The following SYT16 variants were observed in gnomAD, a reference collection of about 807,000 sequenced individuals.
SYT16 encodes the protein synaptotagmin 16, also known as synaptotagmin-16.
SYT16 carries 42 observed loss-of-function variants against 61.4 expected under a neutral mutation model. The ratio of observed to expected loss-of-function variants is 0.68; its 90% CI spans 0.53 to 0.89. The LOEUF is 0.89. Among genes scored for constraint, SYT16 ranks in the 40% least tolerant of loss-of-function variants. The probability of loss-of-function intolerance (pLI) is 0.00; values close to 1 mark genes in which losing one functional copy is unlikely to be tolerated. For missense variants in SYT16, 804 were observed against 807.3 expected (o/e 1.00, Z 0.05); for synonymous variants, 314 against 302.3 (o/e 1.04, Z -0.40).
At chr14:61,816,896 A>G (rs1364103011) in intron 1 of SYT16, among the ~76,000 whole-genome samples, 9 of 151,828 alleles carry the variant, frequency 5.9e-5, no homozygotes, top group Non-Finnish European at 1.2e-4. Flanking sequence ...TTGTAGTCCC[A>G]TCTACTCGGG....
At chr14:61,901,762 A>AATAATTATT (rs1010775490) in intron 1 of SYT16, among the ~76,000 whole-genome samples, 36 of 138,832 alleles carry the variant, frequency 2.6e-4, no homozygotes, top group African/African-American at 1.0e-3. Flanking sequence ...TAATAATAAT[A>AATAATTATT]ATTATTATTA....
chr14:62,055,416 C>T (rs1046820859), intron 3 of SYT16, among the ~76,000 whole-genome samples: 1 of 152,130 alleles, frequency 6.6e-6, no homozygotes, highest in African/African-American at 2.4e-5. Context: ...CAGAAAACAT[C>T]GTTACTTGAG....
chr14:62,004,368 G>A (rs1490787879), intron 3 of SYT16, among the ~76,000 whole-genome samples: 2 of 152,106 alleles, frequency 1.3e-5, no homozygotes, highest in Non-Finnish European at 2.9e-5. Context: ...CTGCCTGCAT[G>A]ATCCAATCAC....
At chr14:61,899,892 T>G (rs1484829803) in intron 1 of SYT16, among the ~76,000 whole-genome samples, 1 of 152,150 alleles carries the variant, frequency 6.6e-6, no homozygotes, top group Non-Finnish European at 1.5e-5. Flanking sequence ...GGGCACTCAC[T>G]TCCCAAAAAG....
In SYT16 at chr14:61,826,785, T is replaced by G. The variant is rs1288774851; in HGVS notation, c.-325+13975T>G. On this transcript the variant is annotated intron_variant, in intron 1 of 7. Coordinates refer to ENST00000683842, the MANE Select transcript of SYT16 (RefSeq NM_001367656.1). ...GTGGCTTAAACAACACACACGTATTTTCCTACAGTTCTAGAGGTTGTAAGT... is the reference window on the plus strand; with the variant it reads ...GTGGCTTAAACAACACACACGTATTGTCCTACAGTTCTAGAGGTTGTAAGT... Among the ~76,000 whole-genome samples the G allele has an allele frequency of 2.0e-5, 3 of 152,004 alleles. 1 individual carries two copies. Among genetic ancestry groups the G allele is most frequent in the African/African-American group, 7.3e-5 (3 of 41,268 alleles).
At chr14:61,973,624 A>G (rs1307335132) in intron 2 of SYT16, among the ~76,000 whole-genome samples, 1 of 152,212 alleles carries the variant, frequency 6.6e-6, no homozygotes, top group Non-Finnish European at 1.5e-5. Flanking sequence ...GGCGGGAGAG[A>G]GAAAGAATAT....
At position 62,108,031 on chromosome 14, in the gene SYT16, G is replaced by A. The variant is rs2057543129; in HGVS notation, c.*7324G>A. The A allele has an allele frequency of 6.6e-6, 1 of 152,110 alleles. No homozygotes were observed. Among genetic ancestry groups the A allele is most frequent in the South Asian group, 2.1e-4 (1 of 4,824 alleles). The allele number at this position is 152,110 out of a possible 1,614,324, so 9.4% of individuals were successfully genotyped here. A position where few individuals can be genotyped will look rare whatever the true frequency, so the allele number is the denominator to read the frequency against. ...GGTAACAGTAGCCGCCAGAGAAAGA[G>A]GTGACAATCTAAACAAAGAGCCCTG... is the stretch of plus-strand genomic sequence containing the variant. On this transcript the variant is annotated 3_prime_UTR_variant, in exon 8 of 8. Coordinates refer to ENST00000683842, the MANE Select transcript of SYT16 (RefSeq NM_001367656.1).
chr14:61,870,583 C>G (rs2047301006), intron 1 of SYT16, among the ~76,000 whole-genome samples: 1 of 152,040 alleles, frequency 6.6e-6, no homozygotes, highest in Non-Finnish European at 1.5e-5. Context: ...TTCTCTGAAA[C>G]TCCAGTTATA....
chr14:61,940,442 A>C (rs1432701813), intron 1 of SYT16, among the ~76,000 whole-genome samples: 3 of 152,168 alleles, frequency 2.0e-5, no homozygotes, highest in Non-Finnish European at 4.4e-5. Context: ...ACCTATGATA[A>C]GGCAGAATAG....
chr14:61,835,340 C>A (rs1439477029), intron 1 of SYT16, among the ~76,000 whole-genome samples: 1 of 143,692 alleles, frequency 7.0e-6, no homozygotes. Flanking sequence ...CTCACTGCAA[C>A]CTCCTCCTTC....
At chr14:62,007,035 G>A (rs1413185076) in intron 3 of SYT16, among the ~76,000 whole-genome samples, 1 of 152,102 alleles carries the variant, frequency 6.6e-6, no homozygotes, top group Non-Finnish European at 1.5e-5. Context: ...AATGTAACAT[G>A]GAAGGGAAAA....
rs899583014 is a variant in SYT16 at position 61,918,367 on chromosome 14, T to C, written c.-324-51765T>C. On this transcript the variant is annotated intron_variant, in intron 1 of 7. Coordinates refer to ENST00000683842, the MANE Select transcript of SYT16 (RefSeq NM_001367656.1). The stretch of plus-strand genomic sequence containing the variant: ...ATCCATGGGGCTAGGAGCCATAAAC[T>C]GTAGCATGGCTGACCTAAAGCCAAC... Among the ~76,000 whole-genome samples the C allele has an allele frequency of 9.2e-5, 14 of 152,066 alleles. 1 individual carries two copies. Among genetic ancestry groups the C allele is most frequent in the Admixed American group, 8.5e-4 (13 of 15,250 alleles).
intron 7 of SYT16, among the ~76,000 whole-genome samples, chr14:62,096,993 A>G (rs1055810888): frequency 5.3e-5 from 8 of 152,188 alleles, no homozygotes; most frequent in African/African-American, 1.9e-4. Context: ...CCAGAGATTC[A>G]TAGTTCCTCT....
chr14:62,083,238 G>A (rs1386274731), intron 6 of SYT16, among the ~76,000 whole-genome samples: 1 of 152,132 alleles, frequency 6.6e-6, no homozygotes, highest in Non-Finnish European at 1.5e-5. Flanking sequence ...TCCTTTTATT[G>A]GTTCTAATTA....
At chr14:61,913,839 G>A (rs1205158263) in intron 1 of SYT16, among the ~76,000 whole-genome samples, 1 of 152,034 alleles carries the variant, frequency 6.6e-6, no homozygotes, top group Non-Finnish European at 1.5e-5. Flanking sequence ...TTAAAAGCCT[G>A]GGCCCAAACT....
chr14:61,931,490 T>C (rs1036154089), intron 1 of SYT16, among the ~76,000 whole-genome samples: 1 of 152,220 alleles, frequency 6.6e-6, no homozygotes, highest in African/African-American at 2.4e-5. Context: ...TATTTTGATG[T>C]ATAGCTTTCT....
chr14:61,865,115 G>GCCTT (rs1485058142), intron 1 of SYT16: 1 of 1,326,856 alleles, frequency 7.5e-7, no homozygotes, highest in Non-Finnish European at 1.1e-6. Context: ...GGACTATGAA[G>GCCTT]CCTTCTGTGG....
At chr14:61,893,198 T>G (rs573806331) in intron 1 of SYT16, among the ~76,000 whole-genome samples, 1 of 152,306 alleles carries the variant, frequency 6.6e-6, no homozygotes, top group East Asian at 1.9e-4. Context: ...GAATGTGGTT[T>G]GGGGAGCACA....
intron 1 of SYT16, among the ~76,000 whole-genome samples, chr14:61,862,067 C>T (rs540693140): frequency 3.9e-5 from 6 of 152,032 alleles, no homozygotes; most frequent in Non-Finnish European, 7.4e-5. Flanking sequence ...TAAAATGAAG[C>T]GCAATAAAGT....
Sources: gnomAD v4.1 joint callset for allele counts (sites outside exome capture counted in the v4.1 genomes callset) on GRCh38, gnomAD v4.1.1 for gene constraint, MANE v1.5 for transcripts, NCBI Gene and HGNC (gene_info 2026-07-23, HGNC 2026-07-21) for gene names.